MDGA2: variants seen among roughly 807,000 people sequenced by gnomAD.
The protein encoded by MDGA2 is MAM domain containing glycosylphosphatidylinositol anchor 2.
MDGA2 carries 40 observed loss-of-function variants against 117.8 expected under a neutral mutation model. The observed-to-expected ratio is 0.34, with a 90% CI of 0.26 to 0.44. The LOEUF is 0.44. Among genes scored for constraint, MDGA2 ranks in the 20% least tolerant of loss-of-function variants. The pLI, the probability that MDGA2 is intolerant of heterozygous loss-of-function variation, is 1.00. For missense variants in MDGA2, 1,123 were observed against 1,250.6 expected (o/e 0.90, Z 1.54); for synonymous variants, 452 against 439.0 (o/e 1.03, Z -0.37).
intron 4 of MDGA2, among the ~76,000 whole-genome samples, chr14:47,142,408 A>C (rs1269481270): frequency 1.3e-5 from 2 of 152,022 alleles, no homozygotes; most frequent in African/African-American, 4.8e-5. Context: ...ATGCCACTGC[A>C]CTCCAGCCCA....
At chr14:47,346,473 G>GTTAT (rs1243317296) in intron 1 of MDGA2, among the ~76,000 whole-genome samples, 1 of 152,094 alleles carries the variant, frequency 6.6e-6, no homozygotes, top group Non-Finnish European at 1.5e-5. Flanking sequence ...GAGGTTAGAG[G>GTTAT]TTATCCTAAT....
rs542818796 is a variant in MDGA2, at chr14:47,070,467, C to T, written c.1196-8889G>A. On this transcript the variant is annotated intron_variant, in intron 6 of 16. Coordinates refer to ENST00000399232, the MANE Select transcript of MDGA2 (RefSeq NM_001113498.3). Reference sequence around the variant, plus strand: ...CTTTGAAGTTCCTGAGACATTGCCCCTATCTCCCATTCTCTGTAGAGGGTA... The same window carrying T: ...CTTTGAAGTTCCTGAGACATTGCCCTTATCTCCCATTCTCTGTAGAGGGTA... 8.5e-5 allele frequency among the ~76,000 whole-genome samples: 13 copies of T among 152,284 alleles called. No individual in the cohort carries two copies. In the East Asian group the frequency reaches 2.3e-3, roughly 27 times the overall value.
intron 5 of MDGA2, among the ~76,000 whole-genome samples, chr14:47,115,678 T>TA (rs1594638112): frequency 6.6e-6 from 1 of 151,886 alleles, no homozygotes; most frequent in East Asian, 1.9e-4. Context: ...GAATAAAGGA[T>TA]AAAAATCACA....
At chr14:47,160,983 G>A (rs565119009) in intron 3 of MDGA2, among the ~76,000 whole-genome samples, 1 of 152,058 alleles carries the variant, frequency 6.6e-6, no homozygotes, top group South Asian at 2.1e-4. Context: ...TTTTTCTAAG[G>A]TTATGTCTCT....
At chr14:47,502,402 C>T (rs1043207141) in intron 1 of MDGA2, among the ~76,000 whole-genome samples, 1 of 152,016 alleles carries the variant, frequency 6.6e-6, no homozygotes, top group Admixed American at 6.6e-5. Flanking sequence ...GAAATTAAGG[C>T]TCCCTCACAG....
At chr14:47,503,041 C>G (rs1451876249) in intron 1 of MDGA2, among the ~76,000 whole-genome samples, 3 of 152,094 alleles carry the variant, frequency 2.0e-5, no homozygotes, top group Non-Finnish European at 4.4e-5. Flanking sequence ...AAAGTTTAAA[C>G]ACACATACAC....
chr14:46,953,442 G>T (rs1234055798), intron 9 of MDGA2, among the ~76,000 whole-genome samples: 2 of 151,958 alleles, frequency 1.3e-5, no homozygotes, highest in Non-Finnish European at 1.5e-5. Flanking sequence ...CTTTCTGGAA[G>T]TTAGAAGGGC....
intron 8 of MDGA2, among the ~76,000 whole-genome samples, chr14:46,995,388 T>C (rs953366046): frequency 2.0e-5 from 3 of 152,160 alleles, no homozygotes; most frequent in Admixed American, 1.3e-4. Flanking sequence ...CTACTGATAA[T>C]ATAAATTAAA....
intron 1 of MDGA2, among the ~76,000 whole-genome samples, chr14:47,593,789 G>A (rs1896486117): frequency 6.6e-6 from 1 of 152,086 alleles, no homozygotes; most frequent in Non-Finnish European, 1.5e-5. Flanking sequence ...ATACCTAGGT[G>A]AAGGGCTGAT....
chr14:47,665,985 C>T (rs1174669163), intron 1 of MDGA2, among the ~76,000 whole-genome samples: 1 of 151,874 alleles, frequency 6.6e-6, no homozygotes, highest in Non-Finnish European at 1.5e-5. Flanking sequence ...CACCTGTGGC[C>T]CTGGTGCGAG....
At chr14:46,988,549 T>C (rs1016597982) in intron 8 of MDGA2, among the ~76,000 whole-genome samples, 1 of 151,980 alleles carries the variant, frequency 6.6e-6, no homozygotes, top group African/African-American at 2.4e-5. Context: ...GACACCAGGG[T>C]AGGCATATTA....
intron 1 of MDGA2, among the ~76,000 whole-genome samples, chr14:47,400,842 C>T (rs1166613961): frequency 0.031 from 4 of 130 alleles, no homozygotes; most frequent in Non-Finnish European, 0.067. Flanking sequence ...CTGCAAGCTC[C>T]GCCTCCCGGG....
At chr14:47,403,722 C>T (rs1021384138) in intron 1 of MDGA2, among the ~76,000 whole-genome samples, 5 of 152,068 alleles carry the variant, frequency 3.3e-5, no homozygotes, top group Non-Finnish European at 7.4e-5. Context: ...TGATGGTGTT[C>T]AGGACAAGCT....
intron 3 of MDGA2, among the ~76,000 whole-genome samples, chr14:47,199,170 A>G (rs1885398581): frequency 6.6e-6 from 1 of 151,748 alleles, no homozygotes; most frequent in Admixed American, 6.6e-5. Context: ...TCTTAAAATA[A>G]ATCTCCTCCT....
chr14:46,907,061 C>T (rs1264949028), intron 10 of MDGA2, among the ~76,000 whole-genome samples: 2 of 151,166 alleles, frequency 1.3e-5, no homozygotes, highest in Non-Finnish European at 2.9e-5. Context: ...ACTGCAACCT[C>T]CACCTCCCAG....
chr14:47,651,216 GT>G (rs1897635357), intron 1 of MDGA2, among the ~76,000 whole-genome samples: 1 of 4,134 alleles, frequency 2.4e-4, no homozygotes, highest in African/African-American at 5.8e-4. Context: ...TGCATGTGGT[GT>G]GTGTGTGTGT....
At chr14:47,517,756 T>G (rs1476518911) in intron 1 of MDGA2, among the ~76,000 whole-genome samples, 1 of 152,164 alleles carries the variant, frequency 6.6e-6, no homozygotes, top group Non-Finnish European at 1.5e-5. Context: ...AGCTTATACT[T>G]AAATACATGA....
At chr14:46,960,169 C>T (rs1287335977) in intron 8 of MDGA2, among the ~76,000 whole-genome samples, 2 of 151,856 alleles carry the variant, frequency 1.3e-5, no homozygotes, top group African/African-American at 4.8e-5. Context: ...TGTGGTGAGC[C>T]GAGATTGCAC....
At chr14:46,940,541 T>C (rs867585140) in intron 9 of MDGA2, among the ~76,000 whole-genome samples, 2 of 151,748 alleles carry the variant, frequency 1.3e-5, no homozygotes, top group Middle Eastern at 3.4e-3. Flanking sequence ...AGTGGAAGAA[T>C]TGCTCGAACC....
Sources: gnomAD v4.1 joint callset for allele counts (sites outside exome capture counted in the v4.1 genomes callset) on GRCh38, gnomAD v4.1.1 for gene constraint, MANE v1.5 for transcripts, NCBI Gene and HGNC (gene_info 2026-07-23, HGNC 2026-07-21) for gene names.